Variants in BICD1 observed in about 807,000 individuals in gnomAD.
BICD1 encodes protein bicaudal D homolog 1.
Under a neutral mutation model 92.5 loss-of-function variants are expected in BICD1, and 35 were observed. The ratio of observed to expected loss-of-function variants is 0.38; its 90% CI spans 0.29 to 0.50. The LOEUF is 0.50. Ranked by LOEUF, BICD1 falls within the 20% of genes least tolerant of loss-of-function variation. The probability of loss-of-function intolerance (pLI) is 0.93; values close to 1 mark genes in which losing one functional copy is unlikely to be tolerated. For synonymous variants in BICD1, 429 were observed against 465.1 expected (o/e 0.92, Z 1.00); for missense variants, 950 against 1,189.8 (o/e 0.80, Z 2.97).
intron 8 of BICD1, among the ~76,000 whole-genome samples, chr12:32,358,828 G>T (rs1208700782): frequency 3.3e-5 from 5 of 152,112 alleles, no homozygotes; most frequent in African/African-American, 1.2e-4. Flanking sequence ...TTTTTACAAG[G>T]ATTCAAGAGC....
At chr12:32,264,256 A>G (rs973217860) in intron 2 of BICD1, among the ~76,000 whole-genome samples, 2 of 152,184 alleles carry the variant, frequency 1.3e-5, no homozygotes, top group African/African-American at 4.8e-5. Context: ...GCTCTTAAGT[A>G]TATCTCCTCA....
intron 8 of BICD1, among the ~76,000 whole-genome samples, chr12:32,341,757 G>T (rs10771939): frequency 0.36 from 53,984 of 151,902 alleles, 11,565 homozygotes; most frequent in African/African-American, 0.6. Flanking sequence ...AGAAAGTGAC[G>T]GACCATCCAC....
rs1020077062 is a variant in BICD1 at position 32,262,540 on chromosome 12, T to A, written c.427-31454T>A. Among the ~76,000 whole-genome samples the A allele has an allele frequency of 2.0e-5, 3 of 152,324 alleles. No homozygotes were observed. In the East Asian group the frequency reaches 5.8e-4, roughly 29 times the overall value. On this transcript the variant is annotated intron_variant, in intron 2 of 9. Coordinates refer to ENST00000652176, the MANE Select transcript of BICD1 (RefSeq NM_001714.4). ...GAGCTCCACACATACTAACCCTTGG[T>A]CCCTCAGAATGTGACTTATTTGGAA...
chr12:32,295,114 C>G (rs1947833141), intron 3 of BICD1, among the ~76,000 whole-genome samples: 1 of 150,496 alleles, frequency 6.6e-6, no homozygotes, highest in Non-Finnish European at 1.5e-5. Context: ...AAGAAAATGC[C>G]TGTTTTCTTT....
At chr12:32,142,387 A>G (rs1159207596) in intron 1 of BICD1, among the ~76,000 whole-genome samples, 1 of 131,688 alleles carries the variant, frequency 7.6e-6, no homozygotes, top group African/African-American at 2.9e-5. Context: ...AGCCTGGGCA[A>G]AAGAGTGAGA....
chr12:32,282,316 A>T (rs1266035271), intron 2 of BICD1, among the ~76,000 whole-genome samples: 1 of 143,782 alleles, frequency 7.0e-6, no homozygotes, highest in African/African-American at 2.6e-5. Flanking sequence ...CACCTCCTGG[A>T]CTCAAGTGAT....
At chr12:32,189,618 T>C (rs1175977045) in intron 1 of BICD1, among the ~76,000 whole-genome samples, 1 of 151,846 alleles carries the variant, frequency 6.6e-6, no homozygotes, top group African/African-American at 2.4e-5. Flanking sequence ...AATTTGTTGA[T>C]GAATACACAG....
At chr12:32,290,347 G>A (rs1260511466) in intron 2 of BICD1, among the ~76,000 whole-genome samples, 1 of 152,140 alleles carries the variant, frequency 6.6e-6, no homozygotes, top group Non-Finnish European at 1.5e-5. Context: ...GATACAGAAT[G>A]GATAAAAATC....
At chr12:32,159,269 A>T (rs1943531390) in intron 1 of BICD1, among the ~76,000 whole-genome samples, 1 of 152,152 alleles carries the variant, frequency 6.6e-6, no homozygotes, top group Admixed American at 6.5e-5. Context: ...CTAGCATATA[A>T]ACTAGCTGCG....
chr12:32,182,843 G>T (rs1443493542), intron 1 of BICD1, among the ~76,000 whole-genome samples: 8 of 150,298 alleles, frequency 5.3e-5, no homozygotes, highest in African/African-American at 2.0e-4. Context: ...TTGTACACTG[G>T]GTTAGAAAAT....
rs1008234620 is a variant in BICD1, at chr12:32,328,940, G to T, written c.2100+385G>T. ...AGGTTACACCAACCAGGGCGATACA[G>T]CAAGAAAGACAAACACCCAGCAGGC... On this transcript the variant is annotated intron_variant, in intron 5 of 9. Transcript: ENST00000652176. This position sits in a 1 kb window ranked among gnomAD's most constrained non-coding sequence, Gnocchi z 4.4. 1.3e-5 allele frequency among the ~76,000 whole-genome samples: 2 copies of T among 152,114 alleles called. No homozygotes were observed. Among genetic ancestry groups the T allele is most frequent in the Non-Finnish European group, 2.9e-5 (2 of 68,030 alleles).
intron 1 of BICD1, among the ~76,000 whole-genome samples, chr12:32,178,759 AG>A (rs1944190330): frequency 6.6e-6 from 1 of 152,004 alleles, no homozygotes; most frequent in Admixed American, 6.6e-5. Context: ...TGGTCTGAGC[AG>A]CCTCTAAATT....
chr12:32,338,701 ATGT>A (rs1938233112), intron 7 of BICD1, 82 bp from the exon 8 acceptor site: 5 of 1,129,972 alleles, frequency 4.4e-6, no homozygotes, highest in Non-Finnish European at 6.3e-6. Flanking sequence ...AGTATAAATA[ATGT>A]TGTCACTGGT....
chr12:32,335,642 G>A (rs377291374), intron 6 of BICD1, among the ~76,000 whole-genome samples: 1 of 148,152 alleles, frequency 6.7e-6, no homozygotes, highest in Non-Finnish European at 1.5e-5. Flanking sequence ...GTGCAGTGGC[G>A]CTATCTCGGT....
chr12:32,262,632 A>G (rs1309018977), intron 2 of BICD1, among the ~76,000 whole-genome samples: 2 of 152,180 alleles, frequency 1.3e-5, no homozygotes, highest in African/African-American at 2.4e-5. Context: ...GGTTACAGTG[A>G]GCCTTAAAGC....
intron 2 of BICD1, among the ~76,000 whole-genome samples, chr12:32,240,651 A>G (rs1946210889): frequency 6.6e-6 from 1 of 152,232 alleles, no homozygotes; most frequent in Admixed American, 6.5e-5. Context: ...GTGTTACCAT[A>G]TAAGGTAAGA....
intron 1 of BICD1, among the ~76,000 whole-genome samples, chr12:32,148,116 TG>T (rs796931941): frequency 4.3e-4 from 49 of 113,338 alleles, no homozygotes; most frequent in African/African-American, 1.6e-3. Flanking sequence ...CACTCTAGCC[TG>T]GGTGACAGAG....
At chr12:32,233,825 C>A (rs749788748) in intron 2 of BICD1, among the ~76,000 whole-genome samples, 1 of 152,066 alleles carries the variant, frequency 6.6e-6, no homozygotes, top group African/African-American at 2.4e-5. Flanking sequence ...ACGTCTTGAC[C>A]TCTATTTCCA....
At chr12:32,163,607 GA>G (rs1474434126) in intron 1 of BICD1, among the ~76,000 whole-genome samples, 1 of 152,052 alleles carries the variant, frequency 6.6e-6, no homozygotes, top group Non-Finnish European at 1.5e-5. Context: ...AATATTCTTG[GA>G]AAACATTTTA....
Sources: allele counts gnomAD v4.1 joint callset (sites outside exome capture counted in the v4.1 genomes callset), GRCh38; gene constraint gnomAD v4.1.1; non-coding constraint Gnocchi (gnomAD v3.1); transcripts MANE v1.5; gene names NCBI Gene and HGNC (gene_info 2026-07-23, HGNC 2026-07-21).